Variants in ANO1 observed in about 807,000 individuals in gnomAD.
The protein encoded by ANO1 is anoctamin 1.
In ANO1, 59 loss-of-function variants were observed where a neutral mutation model predicts 124.0. The observed-to-expected ratio is 0.48, with a 90% CI of 0.39 to 0.59. The LOEUF is 0.59. ANO1 is among the 20% of genes least tolerant of loss of function. The pLI, the probability that ANO1 is intolerant of heterozygous loss-of-function variation, is 0.00. For missense variants in ANO1, 1,059 were observed against 1,328.0 expected (o/e 0.80, Z 3.15); for synonymous variants, 529 against 532.0 (o/e 0.99, Z 0.08).
chr11:70,022,241 C>T (rs1856822675), intron 1 of ANO1, among the ~76,000 whole-genome samples: 1 of 152,188 alleles, frequency 6.6e-6, no homozygotes, highest in African/African-American at 2.4e-5. Context: ...GGTATGGCCT[C>T]TTCACGACTC....
At chr11:70,160,256 G>A (rs868464039) in intron 16 of ANO1, among the ~76,000 whole-genome samples, 3 of 152,114 alleles carry the variant, frequency 2.0e-5, no homozygotes, top group African/African-American at 7.2e-5. Flanking sequence ...TTTCACGCCT[G>A]GGTGAGGAGC....
intron 22 of ANO1, among the ~76,000 whole-genome samples, chr11:70,177,680 A>G (rs2048774369): frequency 7.5e-6 from 1 of 132,854 alleles, no homozygotes; most frequent in African/African-American, 2.9e-5. Flanking sequence ...GCTCACTGCA[A>G]CCTCCGCCCC....
chr11:70,085,907 T>G (rs2044356827), intron 1 of ANO1, among the ~76,000 whole-genome samples: 1 of 152,254 alleles, frequency 6.6e-6, no homozygotes, highest in African/African-American at 2.4e-5. Flanking sequence ...GCACAGCCAT[T>G]TAGAGCCATG....
In ANO1 at chr11:69,997,851, G is replaced by A. The variant is rs140175849; in HGVS notation, c.58+11685G>A. ...GACGTCTGCTCCCCCTTTGCCTTCC[G>A]CCGTGAGTAAAAGCTCCCTGAGGCC... is the stretch of plus-strand genomic sequence containing the variant. On this transcript the variant is annotated intron_variant, in intron 1 of 27. Transcript: ENST00000531349. Among the ~76,000 whole-genome samples the A allele has an allele frequency of 9.8e-4, 149 of 152,064 alleles. 1 individual carries two copies. The Middle Eastern group carries it at 0.01, about 10-fold the overall frequency.
At chr11:70,004,343 C>A (rs1856443608) in intron 1 of ANO1, among the ~76,000 whole-genome samples, 1 of 152,206 alleles carries the variant, frequency 6.6e-6, no homozygotes, top group Non-Finnish European at 1.5e-5. Flanking sequence ...TTAGAAATTA[C>A]AATGGCTAAT....
chr11:70,035,638 T>C (rs1555004320), intron 1 of ANO1, among the ~76,000 whole-genome samples: 1 of 151,970 alleles, frequency 6.6e-6, no homozygotes, highest in East Asian at 1.9e-4. Flanking sequence ...TCATCTAAGT[T>C]TTAAGCCCTG....
At chr11:70,139,222 T>C (rs766662857) in intron 11 of ANO1, among the ~76,000 whole-genome samples, 12 of 152,220 alleles carry the variant, frequency 7.9e-5, no homozygotes, top group Non-Finnish European at 1.6e-4. Context: ...AGTGGCACAA[T>C]CTCGGCTCAC....
chr11:70,096,569 G>T (rs1382136297), intron 2 of ANO1, among the ~76,000 whole-genome samples: 4 of 152,144 alleles, frequency 2.6e-5, no homozygotes, highest in Non-Finnish European at 4.4e-5. Context: ...ATCAGAGGTG[G>T]AACAGTTTCA....
intron 23 of ANO1, 110 bp from the exon 24 acceptor site, chr11:70,182,392 G>A (rs1388045736): frequency 1.1e-6 from 1 of 895,658 alleles, no homozygotes; most frequent in African/African-American, 1.7e-5. Context: ...GCCAGAGGCA[G>A]TGGCATATGG....
Position 70,104,110 on chromosome 11 carries a change from AAG to A in ANO1, c.656_657del (p.Arg219ThrfsTer14), listed in dbSNP as rs2045391684. On this transcript the variant is annotated frameshift_variant, in exon 4 of 26. Transcript: ENST00000355303. LOFTEE classifies it high-confidence loss of function. ...GGCTGAGCACAGGCCCCAGACCATG[AAG>A]AGACTCTCCTATCCCTTCTCCCGGG... Reference protein sequence around the residue: ...KVAEHRPQTMKRLSYPFSREK... With the variant: ...KVAEHRPQTMXRLSYPFSREK... 1 of 1,612,980 alleles carries A rather than the reference AAG, an allele frequency of 6.2e-7. No homozygotes were observed. Among genetic ancestry groups the A allele is most frequent in the African/African-American group, 1.3e-5 (1 of 74,900 alleles).
chr11:70,183,670 G>A (rs977204683), intron 24 of ANO1, among the ~76,000 whole-genome samples: 4 of 152,216 alleles, frequency 2.6e-5, no homozygotes, highest in African/African-American at 9.7e-5. Flanking sequence ...GGGAAAGCAG[G>A]TTGTGCAACT....
chr11:70,069,750 A>ATATGACT (rs1448645200), intron 1 of ANO1, among the ~76,000 whole-genome samples: 4 of 151,550 alleles, frequency 2.6e-5, no homozygotes, highest in Non-Finnish European at 5.9e-5. Context: ...CCTGGGCTCT[A>ATATGACT]TATGACTATG....
rs546966459 is a variant in ANO1, at chr11:70,189,001, T to C, written c.*997T>C. On this transcript the variant is annotated 3_prime_UTR_variant, in exon 26 of 26. Transcript: ENST00000355303. Reference sequence around the variant, plus strand: ...CGTTGAGAGGAATTTAAAATACTGTTACTACCAAAGATTTTTATTAATAAA... The same window carrying C: ...CGTTGAGAGGAATTTAAAATACTGTCACTACCAAAGATTTTTATTAATAAA... The C allele has an allele frequency of 1.3e-5, 2 of 152,582 alleles. No homozygotes were observed. The highest frequency in any genetic ancestry group is 2.9e-5 in the Non-Finnish European group (2 of 68,044). The allele number at this position is 152,582 out of a possible 1,614,324, so 9.5% of individuals were successfully genotyped here. A position where few individuals can be genotyped will look rare whatever the true frequency, so the allele number is the denominator to read the frequency against.
intron 2 of ANO1, among the ~76,000 whole-genome samples, chr11:70,093,698 C>T (rs1344370292): frequency 6.6e-6 from 1 of 152,240 alleles, no homozygotes; most frequent in Non-Finnish European, 1.5e-5. Context: ...TGGTTCTCCA[C>T]ATGCATCCCC....
intron 11 of ANO1, among the ~76,000 whole-genome samples, chr11:70,132,770 TC>T (rs1179989757): frequency 1.3e-5 from 2 of 152,196 alleles, no homozygotes; most frequent in African/African-American, 4.8e-5. Flanking sequence ...GCCCATTCTG[TC>T]CTCTGCAGCC....
intron 1 of ANO1, among the ~76,000 whole-genome samples, chr11:70,024,912 A>C (rs1470279696): frequency 6.6e-6 from 1 of 152,210 alleles, no homozygotes; most frequent in African/African-American, 2.4e-5. Flanking sequence ...GGCACACTCC[A>C]AGGGCAGCAG....
chr11:70,165,647 C>G, intron 20 of ANO1, 77 bp downstream of exon 20: 2 of 1,218,822 alleles, frequency 1.6e-6, no homozygotes, highest in Non-Finnish European at 2.3e-6. Flanking sequence ...CTGCGGGGGT[C>G]TGGGTGGACG....
chr11:70,181,592 C>T (rs946698812), intron 23 of ANO1, among the ~76,000 whole-genome samples: 1 of 152,172 alleles, frequency 6.6e-6, no homozygotes, highest in African/African-American at 2.4e-5. Context: ...TGAGCAGCTG[C>T]GGAGCACAGT....
chr11:70,134,914 C>T (rs181964945), intron 11 of ANO1, among the ~76,000 whole-genome samples: 1 of 152,278 alleles, frequency 6.6e-6, no homozygotes, highest in Non-Finnish European at 1.5e-5. Flanking sequence ...TCAGAGCATC[C>T]GGAGAGGTCA....
Sources: allele counts gnomAD v4.1 joint callset (sites outside exome capture counted in the v4.1 genomes callset), GRCh38; gene constraint gnomAD v4.1.1; transcripts MANE v1.5; gene names NCBI Gene and HGNC (gene_info 2026-07-23, HGNC 2026-07-21).